The following DPP6 variants were observed in gnomAD, a reference collection of about 807,000 sequenced individuals.
The protein encoded by DPP6 is dipeptidyl peptidase like 6, also known as A-type potassium channel modulatory protein DPP6.
Under a neutral mutation model 122.6 loss-of-function variants are expected in DPP6, and 69 were observed. The observed-to-expected ratio is 0.56, with a 90% confidence interval of 0.46 to 0.69. The LOEUF is 0.69. Ranked by LOEUF, DPP6 falls within the 30% of genes least tolerant of loss-of-function variation. The pLI is 0.00. For missense variants in DPP6, 928 were observed against 1,116.9 expected (o/e 0.83, Z 2.41); for synonymous variants, 418 against 433.1 (o/e 0.97, Z 0.43).
intron 19 of DPP6, among the ~76,000 whole-genome samples, chr7:154,874,399 C>A (rs576414598): frequency 5.4e-4 from 83 of 152,348 alleles, no homozygotes; most frequent in African/African-American, 1.7e-3. Flanking sequence ...AACCCCACCC[C>A]CTGGGTGCAC....
chr7:154,698,929 G>C (rs1840365261), intron 7 of DPP6, among the ~76,000 whole-genome samples: 2 of 152,164 alleles, frequency 1.3e-5, no homozygotes, highest in Admixed American at 6.5e-5. Flanking sequence ...CGAAGAGCCA[G>C]AGGACTCCAA....
At chr7:154,871,466 G>A (rs1804393221) in intron 18 of DPP6, among the ~76,000 whole-genome samples, 1 of 152,190 alleles carries the variant, frequency 6.6e-6, no homozygotes, top group Non-Finnish European at 1.5e-5. Context: ...AGAGGCTAAT[G>A]CTTTTCTTTA....
At chr7:153,874,110 G>A in the DPP6 span, among the ~76,000 whole-genome samples, 1 of 152,174 alleles carries the variant, frequency 6.6e-6, no homozygotes, top group Non-Finnish European at 1.5e-5. Context: ...AATCCACTCT[G>A]GAGGAAGACA....
At chr7:153,845,525 G>T in the DPP6 span, among the ~76,000 whole-genome samples, 1 of 151,502 alleles carries the variant, frequency 6.6e-6, no homozygotes, top group Admixed American at 6.6e-5. Flanking sequence ...CATAAATCTA[G>T]ATTTTTTTTA....
chr7:154,440,393 G>A (rs917590926), intron 1 of DPP6, among the ~76,000 whole-genome samples: 6 of 152,136 alleles, frequency 3.9e-5, no homozygotes, highest in African/African-American at 1.4e-4. Flanking sequence ...CAAAGTGACA[G>A]TCACAAGGAA....
At chr7:153,847,818 T>A in the DPP6 span, among the ~76,000 whole-genome samples, 6 of 152,212 alleles carry the variant, frequency 3.9e-5, no homozygotes, top group Admixed American at 2.6e-4. Context: ...GCGTCTGCAG[T>A]TCAGTTTAAC....
chr7:154,124,843 T>A (rs1807761495), intron 1 of DPP6, among the ~76,000 whole-genome samples: 2 of 152,114 alleles, frequency 1.3e-5, no homozygotes, highest in Admixed American at 1.3e-4. Flanking sequence ...GAAATGACAC[T>A]CAGAGACATG....
intron 3 of DPP6, among the ~76,000 whole-genome samples, chr7:154,480,932 G>A (rs567412518): frequency 2.2e-4 from 33 of 152,200 alleles, no homozygotes; most frequent in African/African-American, 8.0e-4. Context: ...TCCCACATCC[G>A]ATCCATCAAG....
At chr7:154,777,101 T>C (rs536251248) in intron 10 of DPP6, among the ~76,000 whole-genome samples, 2 of 152,360 alleles carry the variant, frequency 1.3e-5, no homozygotes, top group East Asian at 3.9e-4. Context: ...AATCTTTGCA[T>C]TGGCAAGCAC....
chr7:153,886,180 C>G (rs1798904211), upstream of DPP6, among the ~76,000 whole-genome samples: 1 of 150,898 alleles, frequency 6.6e-6, no homozygotes, highest in South Asian at 2.1e-4. Flanking sequence ...AGCTCTGAAT[C>G]TGGTTTTTCA....
chr7:154,574,210 G>A (rs1478537687), intron 5 of DPP6, among the ~76,000 whole-genome samples: 2 of 149,558 alleles, frequency 1.3e-5, no homozygotes, highest in Admixed American at 1.3e-4. Flanking sequence ...ATGTGTGTGG[G>A]GTCTGTGTGT....
At chr7:154,448,934 A>C (rs902085692) in intron 2 of DPP6, among the ~76,000 whole-genome samples, 3 of 152,220 alleles carry the variant, frequency 2.0e-5, no homozygotes, top group African/African-American at 7.2e-5. Flanking sequence ...TGGACCAAAG[A>C]CCCAAAATAT....
At chr7:154,063,196 GGGT>G (rs1368878638) in intron 1 of DPP6, among the ~76,000 whole-genome samples, 1 of 114,308 alleles carries the variant, frequency 8.7e-6, no homozygotes, top group African/African-American at 3.3e-5. Context: ...CCCCATCGCA[GGGT>G]TGGGGAGGCA....
intron 1 of DPP6, among the ~76,000 whole-genome samples, chr7:154,296,223 C>T (rs545255172): frequency 1.3e-5 from 2 of 152,076 alleles, no homozygotes; most frequent in Non-Finnish European, 2.9e-5. Flanking sequence ...GGATGACAGG[C>T]GTGAGCCACC....
At chr7:153,808,635 TTCACAAGTAAG>T in the DPP6 span, among the ~76,000 whole-genome samples, 1 of 152,040 alleles carries the variant, frequency 6.6e-6, no homozygotes, top group Non-Finnish European at 1.5e-5. Flanking sequence ...CTTTTTAGAT[TTCACAAGTAAG>T]TAAGATCATG....
intron 5 of DPP6, among the ~76,000 whole-genome samples, chr7:154,615,714 A>C (rs527380969): frequency 1.6e-4 from 21 of 127,452 alleles, no homozygotes; most frequent in African/African-American, 5.1e-4. Context: ...CATCACCACT[A>C]TCTATACACA....
At chr7:154,451,987 G>C (rs913322225) in intron 2 of DPP6, among the ~76,000 whole-genome samples, 8 of 152,198 alleles carry the variant, frequency 5.3e-5, no homozygotes, top group African/African-American at 1.9e-4. Flanking sequence ...TTGTGTTTTG[G>C]CATAAAATTC....
intron 1 of DPP6, among the ~76,000 whole-genome samples, chr7:154,128,668 C>T (rs1239102217): frequency 1.3e-5 from 2 of 151,480 alleles, no homozygotes; most frequent in African/African-American, 2.4e-5. Flanking sequence ...GGATTACAGG[C>T]GTGAGACACC....
At chr7:154,756,624 C>A (rs1240610663) in intron 8 of DPP6, among the ~76,000 whole-genome samples, 1 of 152,052 alleles carries the variant, frequency 6.6e-6, no homozygotes, top group Admixed American at 6.5e-5. Flanking sequence ...CTGCTGCCTG[C>A]CACCCATCCC....
Sources: allele counts gnomAD v4.1 joint callset (sites outside exome capture counted in the v4.1 genomes callset), GRCh38; gene constraint gnomAD v4.1.1; transcripts MANE v1.5; gene names NCBI Gene and HGNC (gene_info 2026-07-23, HGNC 2026-07-21).